Variants in TTC39C observed in about 807,000 individuals in gnomAD.
The protein encoded by TTC39C is tetratricopeptide repeat domain 39C.
A neutral mutation model predicts 76.3 loss-of-function variants in TTC39C; 33 were observed. That is an observed-to-expected ratio of 0.43 (90% CI 0.33 to 0.58). TTC39C has a LOEUF of 0.58. TTC39C is among the 20% of genes least tolerant of loss of function. The pLI is 0.04. For missense variants in TTC39C, 595 were observed against 701.4 expected, an observed-to-expected ratio of 0.85 and a Z score of 1.71; for synonymous variants, 254 against 260.6, an observed-to-expected ratio of 0.97 and a Z score of 0.24.
intron 1 of TTC39C, among the ~76,000 whole-genome samples, chr18:24,032,530 A>C (rs1377504556): frequency 6.6e-6 from 1 of 152,254 alleles, no homozygotes; most frequent in Non-Finnish European, 1.5e-5. Context: ...CGAAGTCTAA[A>C]CACAGAATTC....
chr18:24,087,076 ATGTT>A (rs1188764245), intron 6 of TTC39C, among the ~76,000 whole-genome samples: 2 of 152,186 alleles, frequency 1.3e-5, no homozygotes, highest in African/African-American at 4.8e-5. Context: ...AATGCAAACA[ATGTT>A]TGGGAGGCTG....
intron 1 of TTC39C, among the ~76,000 whole-genome samples, chr18:24,017,938 G>T (rs2145646880): frequency 6.6e-6 from 1 of 152,256 alleles, no homozygotes; most frequent in East Asian, 1.9e-4. Context: ...TACTAGAATG[G>T]TGAAAGTTTA....
intron 7 of TTC39C, chr18:24,114,943 C>T (rs117415935): frequency 0.011 from 2,623 of 233,040 alleles, 22 homozygotes; most frequent in Non-Finnish European, 0.017. Context: ...GCTCTTTGTT[C>T]CTCCTTCCCA....
At chr18:24,024,862 G>T (rs1487432) in intron 1 of TTC39C, among the ~76,000 whole-genome samples, 143,997 of 152,278 alleles carry the variant, frequency 0.95, 68,452 homozygotes, top group East Asian at 1. Flanking sequence ...TAAATAGTTG[G>T]TTTTTGTTTG....
intron 6 of TTC39C, among the ~76,000 whole-genome samples, chr18:24,102,730 C>T (rs1388333670): frequency 1.3e-5 from 2 of 152,172 alleles, no homozygotes; most frequent in African/African-American, 4.8e-5. Flanking sequence ...TTACCAGGCA[C>T]AGGGTTAAGA....
At chr18:24,082,551 A>G (rs1185762523) in intron 5 of TTC39C, among the ~76,000 whole-genome samples, 2 of 152,222 alleles carry the variant, frequency 1.3e-5, no homozygotes, top group Non-Finnish European at 2.9e-5. Flanking sequence ...CGGTAAACTC[A>G]TGGTGACTAG....
chr18:23,994,379 G>A (rs2083243493), intron 1 of TTC39C: 1 of 151,126 alleles, frequency 6.6e-6, no homozygotes, highest in Non-Finnish European at 1.5e-5. Context: ...AAACCTTTGT[G>A]TGAGAGCCCA....
intron 6 of TTC39C, chr18:24,114,304 G>A (rs754310830): frequency 7.2e-6 from 2 of 277,766 alleles, no homozygotes; most frequent in Non-Finnish European, 1.3e-5. Context: ...AGGAGAGAAC[G>A]CTGGAGGAGA....
chr18:24,030,798 G>T (rs1158190764), intron 1 of TTC39C, among the ~76,000 whole-genome samples: 2 of 151,976 alleles, frequency 1.3e-5, no homozygotes, highest in African/African-American at 2.4e-5. Flanking sequence ...GGGATCATAG[G>T]CACCCACCAC....
chr18:24,025,919 C>T (rs575108873), intron 1 of TTC39C, among the ~76,000 whole-genome samples: 8 of 152,262 alleles, frequency 5.3e-5, no homozygotes, highest in Middle Eastern at 3.4e-3. Flanking sequence ...GTCTCTGTTG[C>T]GTTGGTGACG....
At chr18:24,023,967 TATATATATATATACATATATATATATATA>T (rs2083554172) in intron 1 of TTC39C, among the ~76,000 whole-genome samples, 7 of 17,742 alleles carry the variant, frequency 3.9e-4, no homozygotes, top group African/African-American at 1.2e-3. Context: ...TATATATATA[TATATATATATATACATATATATATATATA>T]TATATATATA....
At chr18:24,110,256 A>T (rs553075858) in intron 6 of TTC39C, among the ~76,000 whole-genome samples, 8 of 152,252 alleles carry the variant, frequency 5.3e-5, no homozygotes, top group Non-Finnish European at 1.2e-4. Context: ...AGTAAGCTAT[A>T]CATGGGAAGG....
chr18:24,121,628 C>T (rs2084969810), intron 8 of TTC39C, among the ~76,000 whole-genome samples: 4 of 152,004 alleles, frequency 2.6e-5, no homozygotes, highest in African/African-American at 7.2e-5. Flanking sequence ...AGGTGGTGTT[C>T]GTTCTTCAGG....
intron 3 of TTC39C, among the ~76,000 whole-genome samples, chr18:24,067,976 A>G (rs923436175): frequency 3.9e-5 from 6 of 151,996 alleles, no homozygotes; most frequent in Non-Finnish European, 8.8e-5. Context: ...CTGTTGCTTG[A>G]GGCTCCATGC....
At chr18:24,098,548 CT>C (rs1339734772) in intron 6 of TTC39C, among the ~76,000 whole-genome samples, 3 of 104,958 alleles carry the variant, frequency 2.9e-5, no homozygotes, top group Non-Finnish European at 5.8e-5. Context: ...CTCCCCTCCC[CT>C]CTCCTCTCCT....
At chr18:24,132,337 T>TA in intron 13 of TTC39C, 148 bp from the exon 14 acceptor site, 1 of 597,266 alleles carries the variant, frequency 1.7e-6, no homozygotes, top group Non-Finnish European at 2.8e-6. Flanking sequence ...GAGGTTTGAG[T>TA]AATATGAAAA....
chr18:24,024,514 A>C (rs554149894), intron 1 of TTC39C, among the ~76,000 whole-genome samples: 3 of 152,322 alleles, frequency 2.0e-5, no homozygotes, highest in Admixed American at 2.0e-4. Context: ...TGTTAAGGGA[A>C]GGAGGGAAAT....
At chr18:24,110,454 A>G (rs1232483762) in intron 6 of TTC39C, among the ~76,000 whole-genome samples, 1 of 152,206 alleles carries the variant, frequency 6.6e-6, no homozygotes, top group Admixed American at 6.5e-5. Context: ...TCACTTGCAA[A>G]TTATTTTAAT....
chr18:24,112,942 G>A lies in TTC39C; in HGVS notation c.985-1612G>A, dbSNP rs79997233. ...CCTGCGCTCATGCACACATTCCTGCGCCATAAAGGATTGATTTTTTTTTTT... is the reference window on the plus strand; with the variant it reads ...CCTGCGCTCATGCACACATTCCTGCACCATAAAGGATTGATTTTTTTTTTT... On this transcript the variant is annotated intron_variant, in intron 6 of 13. Coordinates refer to ENST00000317571, the MANE Select transcript of TTC39C (RefSeq NM_001135993.2). Among the ~76,000 whole-genome samples, 1,517 of 152,238 alleles carry A rather than the reference G, an allele frequency of 1.0e-2. 28 individuals carry two copies. The highest frequency in any genetic ancestry group is 0.035 in the African/African-American group (1,457 of 41,546).
Sources: allele counts gnomAD v4.1 joint callset (sites outside exome capture counted in the v4.1 genomes callset), GRCh38; gene constraint gnomAD v4.1.1; transcripts MANE v1.5; gene names NCBI Gene and HGNC (gene_info 2026-07-23, HGNC 2026-07-21).